The following LINGO2 variants were observed in gnomAD, a reference collection of about 807,000 sequenced individuals.
The protein encoded by LINGO2 is leucine-rich repeat and immunoglobulin-like domain-containing nogo receptor-interacting protein 2.
LINGO2 carries 14 observed loss-of-function variants against 30.6 expected under a neutral mutation model. The observed-to-expected ratio is 0.46, with a 90% CI of 0.30 to 0.72. LINGO2 has a LOEUF of 0.72. Among genes scored for constraint, LINGO2 ranks in the 30% least tolerant of loss-of-function variants. The pLI, the probability that LINGO2 is intolerant of heterozygous loss-of-function variation, is 0.07. For missense variants in LINGO2, 729 were observed against 751.7 expected (o/e 0.97, Z 0.35); for synonymous variants, 317 against 288.5 (o/e 1.10, Z -1.00).
the LINGO2 span, among the ~76,000 whole-genome samples, chr9:28,986,305 G>T: frequency 2.0e-5 from 3 of 151,974 alleles, no homozygotes; most frequent in African/African-American, 7.2e-5. Flanking sequence ...AATTCAGGTA[G>T]TGTGATGCCT....
chr9:27,983,434 C>T lies in LINGO2; in HGVS notation c.-36+28921G>A, dbSNP rs1820976450. Among the ~76,000 whole-genome samples the T allele has an allele frequency of 2.0e-5, 3 of 151,726 alleles. No individual in the cohort carries two copies. In the South Asian group the frequency reaches 6.2e-4, roughly 31 times the overall value. On this transcript the variant is annotated intron_variant, in intron 5 of 5. Transcript: ENST00000379992. ...GGGCATTGACCCTGGATTCAGAAAA[C>T]CCAGATACAAGTCATCATCCATCCA...
At chr9:28,696,066 C>G in the LINGO2 span, among the ~76,000 whole-genome samples, 1 of 151,876 alleles carries the variant, frequency 6.6e-6, no homozygotes, top group Non-Finnish European at 1.5e-5. Context: ...ATCTCATTAT[C>G]TATGCCTAAC....
the LINGO2 span, among the ~76,000 whole-genome samples, chr9:29,122,378 C>A: frequency 6.7e-6 from 1 of 149,742 alleles, no homozygotes; most frequent in Non-Finnish European, 1.5e-5. Context: ...AGATCTTAGT[C>A]AAAAAAAAAC....
At chr9:28,797,841 C>T in the LINGO2 span, among the ~76,000 whole-genome samples, 3 of 151,890 alleles carry the variant, frequency 2.0e-5, no homozygotes, top group Non-Finnish European at 4.4e-5. Flanking sequence ...TAGAAATGTG[C>T]AAGGACAAAA....
chr9:28,420,153 A>G (rs372015121), intron 2 of LINGO2, among the ~76,000 whole-genome samples: 2 of 152,096 alleles, frequency 1.3e-5, no homozygotes, highest in African/African-American at 2.4e-5. Flanking sequence ...GCCCAAAGAA[A>G]ATTATAGCTC....
chr9:28,620,103 A>C (rs1563869241), intron 1 of LINGO2, among the ~76,000 whole-genome samples: 3 of 149,544 alleles, frequency 2.0e-5, no homozygotes, highest in Non-Finnish European at 4.5e-5. Flanking sequence ...AGCTGCAGCA[A>C]TGGTCTTTCC....
At chr9:28,772,211 T>A in the LINGO2 span, among the ~76,000 whole-genome samples, 1 of 152,232 alleles carries the variant, frequency 6.6e-6, no homozygotes, top group African/African-American at 2.4e-5. Context: ...CAAGATTGAT[T>A]ATTATAAGTA....
intron 1 of LINGO2, among the ~76,000 whole-genome samples, chr9:28,632,778 T>C (rs911644672): frequency 8.9e-6 from 1 of 111,922 alleles, no homozygotes; most frequent in African/African-American, 2.9e-5. Context: ...ATATATTATA[T>C]ATCGATTTAT....
At chr9:29,027,607 C>T in the LINGO2 span, among the ~76,000 whole-genome samples, 16 of 152,026 alleles carry the variant, frequency 1.1e-4, no homozygotes, top group African/African-American at 3.6e-4. Flanking sequence ...CAGAGAGCTG[C>T]GATTACAGGC....
the LINGO2 span, among the ~76,000 whole-genome samples, chr9:28,752,659 T>G: frequency 1.3e-5 from 2 of 152,058 alleles, no homozygotes. Flanking sequence ...ATTCACCAAG[T>G]TCACTATAGT....
At chr9:29,169,244 G>A in the LINGO2 span, among the ~76,000 whole-genome samples, 76 of 152,140 alleles carry the variant, frequency 5.0e-4, no homozygotes, top group African/African-American at 1.7e-3. Context: ...CACCACACCC[G>A]GCCCCAAAAC....
chr9:28,410,868 A>G (rs144990638), intron 2 of LINGO2, among the ~76,000 whole-genome samples: 113 of 152,240 alleles, frequency 7.4e-4, no homozygotes, highest in African/African-American at 2.6e-3. Flanking sequence ...TTCATAGAAT[A>G]CTTTTGCAAA....
intron 1 of LINGO2, among the ~76,000 whole-genome samples, chr9:28,574,367 C>A (rs1823851029): frequency 6.6e-6 from 1 of 152,162 alleles, no homozygotes; most frequent in African/African-American, 2.4e-5. Flanking sequence ...TGTTAGAAAC[C>A]ACTTCAAATC....
At chr9:28,181,865 A>G (rs1476755138) in intron 4 of LINGO2, among the ~76,000 whole-genome samples, 4 of 152,196 alleles carry the variant, frequency 2.6e-5, no homozygotes, top group Non-Finnish European at 5.9e-5. Context: ...AAGAATCAAC[A>G]TCATGAAAAT....
chr9:28,838,314 T>A, the LINGO2 span, among the ~76,000 whole-genome samples: 1 of 152,204 alleles, frequency 6.6e-6, no homozygotes, highest in South Asian at 2.1e-4. Context: ...TTTGTCTGGC[T>A]TTAGAAAGTA....
At chr9:28,075,178 T>C (rs1022468099) in intron 4 of LINGO2, among the ~76,000 whole-genome samples, 1 of 151,940 alleles carries the variant, frequency 6.6e-6, no homozygotes, top group African/African-American at 2.4e-5. Flanking sequence ...TAGTGTTTAG[T>C]TTTACATATT....
chr9:28,191,796 A>G (rs73645610), intron 4 of LINGO2, among the ~76,000 whole-genome samples: 7,565 of 152,090 alleles, frequency 0.05, 234 homozygotes, highest in African/African-American at 0.088. Context: ...ATCTTTTCCC[A>G]TATTCAGTAA....
At chr9:28,473,342 C>T (rs1455125784) in intron 2 of LINGO2, among the ~76,000 whole-genome samples, 3 of 151,274 alleles carry the variant, frequency 2.0e-5, no homozygotes, top group East Asian at 2.0e-4. Context: ...GATGGATCAT[C>T]GTCTTTCTCC....
chr9:28,923,156 G>GGGAAAACTGATTTTCAGCCCA, the LINGO2 span, among the ~76,000 whole-genome samples: 1 of 152,078 alleles, frequency 6.6e-6, no homozygotes. Context: ...CTTTCAGCCC[G>GGGAAAACTGATTTTCAGCCCA]GGAAAACTGA....
Sources: allele counts gnomAD v4.1 joint callset (sites outside exome capture counted in the v4.1 genomes callset), GRCh38; gene constraint gnomAD v4.1.1; transcripts MANE v1.5; gene names NCBI Gene and HGNC (gene_info 2026-07-23, HGNC 2026-07-21).